ADAMTS19: variants seen among roughly 807,000 people sequenced by gnomAD.
The protein encoded by ADAMTS19 is A disintegrin and metalloproteinase with thrombospondin motifs 19.
A neutral mutation model predicts 153.3 loss-of-function variants in ADAMTS19; 93 were observed. The ratio of observed to expected loss-of-function variants is 0.61; its 90% CI spans 0.51 to 0.72. ADAMTS19 has a LOEUF of 0.72. Ranked by LOEUF, ADAMTS19 falls within the 30% of genes least tolerant of loss-of-function variation. ADAMTS19 has a pLI of 0.00. For synonymous variants in ADAMTS19, 600 were observed against 556.6 expected, an observed-to-expected ratio of 1.08 and a Z score of -1.10; for missense variants, 1,482 against 1,552.1, an observed-to-expected ratio of 0.95 and a Z score of 0.76.
At chr5:129,609,660 A>G (rs537527434) in intron 8 of ADAMTS19, among the ~76,000 whole-genome samples, 1 of 152,308 alleles carries the variant, frequency 6.6e-6, no homozygotes, top group African/African-American at 2.4e-5. Context: ...GTTAACTTTC[A>G]TAATGAGACT....
intron 7 of ADAMTS19, among the ~76,000 whole-genome samples, chr5:129,590,397 A>G (rs1192480363): frequency 4.6e-5 from 7 of 152,306 alleles, no homozygotes; most frequent in South Asian, 2.1e-4. Context: ...TCAGTCTACC[A>G]TGAAGCTAGA....
At chr5:129,530,649 T>C (rs1581045159) in intron 6 of ADAMTS19, among the ~76,000 whole-genome samples, 1 of 152,230 alleles carries the variant, frequency 6.6e-6, no homozygotes, top group East Asian at 1.9e-4. Flanking sequence ...AGGTACTATC[T>C]TAATCTCTGA....
rs1752380999 is a variant in ADAMTS19 at position 129,633,201 on chromosome 5, C to A, written c.1771-8658C>A. On this transcript the variant is annotated intron_variant, in intron 10 of 22. Transcript: ENST00000274487. Reference sequence around the variant, plus strand: ...TTAATTTTACATATTGTATTTTTCACATCTAAAGTGAAAGTTTCAATTTAC... The same window carrying A: ...TTAATTTTACATATTGTATTTTTCAAATCTAAAGTGAAAGTTTCAATTTAC... Among the ~76,000 whole-genome samples, 4 of 148,044 alleles carry A rather than the reference C, an allele frequency of 2.7e-5. No homozygotes were observed. In the South Asian group the frequency reaches 8.6e-4, roughly 32 times the overall value.
chr5:129,564,350 T>C (rs1261077353), intron 7 of ADAMTS19, among the ~76,000 whole-genome samples: 1 of 152,132 alleles, frequency 6.6e-6, no homozygotes, highest in East Asian at 1.9e-4. Flanking sequence ...TTAGTGGTAA[T>C]TTGCTACGAA....
chr5:129,685,567 T>C (rs1192317309), intron 18 of ADAMTS19, among the ~76,000 whole-genome samples: 1 of 152,144 alleles, frequency 6.6e-6, no homozygotes, highest in Non-Finnish European at 1.5e-5. Flanking sequence ...TGAAAGTCAA[T>C]GGTTATCCTA....
At chr5:129,639,556 A>G (rs1041166769) in intron 10 of ADAMTS19, among the ~76,000 whole-genome samples, 5 of 152,182 alleles carry the variant, frequency 3.3e-5, no homozygotes, top group African/African-American at 9.7e-5. Flanking sequence ...GTGGGAATCA[A>G]TGAGAGTACC....
intron 16 of ADAMTS19, among the ~76,000 whole-genome samples, chr5:129,669,815 AT>A (rs528313414): frequency 6.7e-6 from 1 of 149,802 alleles, no homozygotes; most frequent in African/African-American, 2.5e-5. Context: ...TCCCCATGTG[AT>A]TTTTTTTTCA....
intron 16 of ADAMTS19, among the ~76,000 whole-genome samples, chr5:129,677,368 C>T (rs748559058): frequency 5.1e-4 from 78 of 151,848 alleles, no homozygotes; most frequent in Non-Finnish European, 7.8e-4. Flanking sequence ...CCCAGCTACT[C>T]GGGATGCTGA....
At chr5:129,618,632 G>A (rs1751638307) in intron 8 of ADAMTS19, among the ~76,000 whole-genome samples, 1 of 151,800 alleles carries the variant, frequency 6.6e-6, no homozygotes, top group African/African-American at 2.4e-5. Context: ...TACTCTCATT[G>A]TAATTTCCCT....
At chr5:129,548,900 A>G (rs1368502580) in intron 6 of ADAMTS19, among the ~76,000 whole-genome samples, 1 of 151,542 alleles carries the variant, frequency 6.6e-6, no homozygotes, top group Non-Finnish European at 1.5e-5. Context: ...ACTGGAAACC[A>G]TCATTCTCAG....
chr5:129,592,985 CTATTA>C (rs1242628800), intron 7 of ADAMTS19, among the ~76,000 whole-genome samples: 2 of 152,050 alleles, frequency 1.3e-5, no homozygotes, highest in African/African-American at 2.4e-5. Flanking sequence ...CATAAACATG[CTATTA>C]TATTATAAAC....
chr5:129,718,005 A>G (rs1756809711), intron 21 of ADAMTS19, among the ~76,000 whole-genome samples: 2 of 152,220 alleles, frequency 1.3e-5, no homozygotes, highest in Non-Finnish European at 2.9e-5. Context: ...CACTGGAATG[A>G]CAGTAATAAA....
At chr5:129,597,768 G>A (rs531984764) in intron 8 of ADAMTS19, among the ~76,000 whole-genome samples, 7 of 152,080 alleles carry the variant, frequency 4.6e-5, no homozygotes, top group Admixed American at 2.0e-4. Flanking sequence ...TAGGCATGGT[G>A]GTACGCGCCT....
chr5:129,632,752 T>C (rs1055042534), intron 10 of ADAMTS19, among the ~76,000 whole-genome samples: 1 of 152,070 alleles, frequency 6.6e-6, no homozygotes, highest in Non-Finnish European at 1.5e-5. Flanking sequence ...ATGAGAAATG[T>C]ATAGCCCTTG....
intron 2 of ADAMTS19, among the ~76,000 whole-genome samples, chr5:129,467,599 C>A (rs767252980): frequency 6.6e-6 from 1 of 152,090 alleles, no homozygotes; most frequent in African/African-American, 2.4e-5. Flanking sequence ...GTCAGATTGA[C>A]TTTAGAGGAT....
At chr5:129,491,331 A>G (rs1750765759) in intron 2 of ADAMTS19, among the ~76,000 whole-genome samples, 2 of 152,136 alleles carry the variant, frequency 1.3e-5, no homozygotes, top group Admixed American at 6.6e-5. Flanking sequence ...ACTTTATGCC[A>G]CTGATAATGT....
At chr5:129,552,612 T>C (rs1753164184) in intron 7 of ADAMTS19, among the ~76,000 whole-genome samples, 1 of 151,838 alleles carries the variant, frequency 6.6e-6, no homozygotes, top group Non-Finnish European at 1.5e-5. Flanking sequence ...AGAATTGTAA[T>C]CTAATTTTGG....
At chr5:129,677,744 C>T (rs1212864981) in intron 16 of ADAMTS19, among the ~76,000 whole-genome samples, 1 of 152,108 alleles carries the variant, frequency 6.6e-6, no homozygotes, top group Admixed American at 6.6e-5. Flanking sequence ...ATCTTATCTT[C>T]CCTGTGTAAA....
intron 8 of ADAMTS19, among the ~76,000 whole-genome samples, chr5:129,606,697 A>G (rs1750912015): frequency 1.3e-5 from 2 of 152,156 alleles, no homozygotes; most frequent in African/African-American, 4.8e-5. Context: ...CTATTTTTGT[A>G]ACTTTACAAT....
Sources: allele counts gnomAD v4.1 joint callset (sites outside exome capture counted in the v4.1 genomes callset), GRCh38; gene constraint gnomAD v4.1.1; transcripts MANE v1.5; gene names NCBI Gene and HGNC (gene_info 2026-07-23, HGNC 2026-07-21).